The following SLC24A4 variants were observed in gnomAD, a reference collection of about 807,000 sequenced individuals.
SLC24A4 encodes solute carrier family 24 member 4, also known as sodium/potassium/calcium exchanger 4.
SLC24A4 carries 53 observed loss-of-function variants against 79.0 expected under a neutral mutation model. That is an observed-to-expected ratio of 0.67 (90% CI 0.54 to 0.84). SLC24A4 has a LOEUF of 0.84. SLC24A4 is among the 40% of genes least tolerant of loss of function. The probability of loss-of-function intolerance (pLI) is 0.00; values close to 1 mark genes in which losing one functional copy is unlikely to be tolerated. For missense variants in SLC24A4, 731 were observed against 822.0 expected (o/e 0.89, Z 1.35); for synonymous variants, 323 against 323.8 (o/e 1.00, Z 0.03).
chr14:92,431,938 C>T (rs1891897250), intron 2 of SLC24A4, among the ~76,000 whole-genome samples: 1 of 152,182 alleles, frequency 6.6e-6, no homozygotes, highest in African/African-American at 2.4e-5. Flanking sequence ...ACATCAGGTC[C>T]CACTGTGAGT....
At chr14:92,455,482 T>C (rs1366662673) in intron 11 of SLC24A4, among the ~76,000 whole-genome samples, 1 of 152,230 alleles carries the variant, frequency 6.6e-6, no homozygotes, top group African/African-American at 2.4e-5. Context: ...TGGCTATTGG[T>C]TGCCTGAAAG....
At chr14:92,388,233 C>T (rs1308786776) in intron 2 of SLC24A4, among the ~76,000 whole-genome samples, 1 of 152,144 alleles carries the variant, frequency 6.6e-6, no homozygotes, top group Non-Finnish European at 1.5e-5. Flanking sequence ...TCTTAAGGCC[C>T]GTTAAAGCCT....
intron 2 of SLC24A4, among the ~76,000 whole-genome samples, chr14:92,400,241 A>T (rs12589315): frequency 6.0e-4 from 91 of 152,042 alleles, no homozygotes; most frequent in Non-Finnish European, 1.2e-3. Flanking sequence ...GAGATCGAGA[A>T]CATCCAGGCC....
intron 2 of SLC24A4, among the ~76,000 whole-genome samples, chr14:92,412,100 G>A (rs1409261863): frequency 6.6e-6 from 1 of 152,162 alleles, no homozygotes; most frequent in Non-Finnish European, 1.5e-5. Context: ...CTACAGAGGG[G>A]CCTTGAGATG....
chr14:92,351,257 C>T (rs1359794202), intron 2 of SLC24A4, among the ~76,000 whole-genome samples: 1 of 151,296 alleles, frequency 6.6e-6, no homozygotes, highest in East Asian at 1.9e-4. Flanking sequence ...CACACACACA[C>T]AAAACACCCA....
At chr14:92,417,270 C>A (rs1035526712) in intron 2 of SLC24A4, among the ~76,000 whole-genome samples, 3 of 152,114 alleles carry the variant, frequency 2.0e-5, no homozygotes, top group African/African-American at 7.2e-5. Context: ...CTAGTCCTGA[C>A]CCTCTGTAGG....
At chr14:92,450,293 T>A (rs183386579) in intron 10 of SLC24A4, 12 of 152,374 alleles carry the variant, frequency 7.9e-5, no homozygotes, top group Admixed American at 3.9e-4. Context: ...TCTCCAGTCA[T>A]CATCCTGGAG....
chr14:92,470,369 C>T (rs957070822), intron 12 of SLC24A4, among the ~76,000 whole-genome samples: 7 of 152,194 alleles, frequency 4.6e-5, no homozygotes, highest in African/African-American at 1.7e-4. Context: ...ATGCATGCAT[C>T]CCTGCAAACC....
intron 2 of SLC24A4, chr14:92,408,410 A>T (rs1041541099): frequency 3.0e-6 from 3 of 985,322 alleles, no homozygotes; most frequent in African/African-American, 1.7e-5. Flanking sequence ...AACTGCAGCT[A>T]AAGCTCTCCT....
intron 2 of SLC24A4, among the ~76,000 whole-genome samples, chr14:92,373,193 C>CAT (rs374714391): frequency 1.5e-5 from 1 of 68,128 alleles, no homozygotes; most frequent in Non-Finnish European, 3.7e-5. Flanking sequence ...CACACACACA[C>CAT]GCACACACAC....
chr14:92,439,201 G>A (rs1892354179), intron 3 of SLC24A4, 134 bp from the exon 4 acceptor site: 3 of 684,064 alleles, frequency 4.4e-6, no homozygotes, highest in Non-Finnish European at 5.2e-6. Context: ...AATCTATGGT[G>A]CTGGAGTTTT....
intron 2 of SLC24A4, among the ~76,000 whole-genome samples, chr14:92,369,284 AG>A (rs2141683051): frequency 6.6e-6 from 1 of 152,344 alleles, no homozygotes; most frequent in East Asian, 1.9e-4. Flanking sequence ...GGTGAAATGT[AG>A]GGGGCAGTCA....
chr14:92,460,533 A>G (rs1893738966), intron 12 of SLC24A4, among the ~76,000 whole-genome samples: 1 of 152,094 alleles, frequency 6.6e-6, no homozygotes, highest in Non-Finnish European at 1.5e-5. Context: ...AGAGGGAATT[A>G]TCGTGTACCA....
chr14:92,343,601 T>TTCTTTCTTTCC (rs1886301348), intron 2 of SLC24A4, among the ~76,000 whole-genome samples: 1 of 139,728 alleles, frequency 7.2e-6, no homozygotes, highest in African/African-American at 2.8e-5. Context: ...TCTTTCTTTC[T>TTCTTTCTTTCC]TTCTTTCTTT....
rs377062821 is a variant in SLC24A4 at position 92,442,163 on chromosome 14, G to A, written c.468G>A (p.Ala156=). ...AAGSSTPELF[A]SVIGVFITHG... is the part of the protein sequence containing the mutation. ...GAAGCTCAACGCCAGAGCTGTTTGC[G>A]TCTGTTATTGGTAAGAAATCCCCTC... The change falls in exon 5 of 17, where the codon GCG becomes GCA. Residue 156 remains alanine (A), a synonymous_variant. Coordinates refer to ENST00000532405, the MANE Select transcript of SLC24A4 (RefSeq NM_153646.4). 6.6e-5 allele frequency: 107 copies of A among 1,613,464 alleles called. No homozygotes were observed. The highest frequency in any genetic ancestry group is 1.6e-4 in the African/African-American group (12 of 75,050).
chr14:92,439,516 A>G (rs541376465), intron 4 of SLC24A4, 107 bp downstream of exon 4: 2 of 1,029,808 alleles, frequency 1.9e-6, no homozygotes, highest in Non-Finnish European at 3.0e-6. Flanking sequence ...GCTGGTGGCA[A>G]AGACTGTCAC....
At chr14:92,412,087 C>T (rs1306323875) in intron 2 of SLC24A4, among the ~76,000 whole-genome samples, 1 of 152,214 alleles carries the variant, frequency 6.6e-6, no homozygotes, top group African/African-American at 2.4e-5. Flanking sequence ...AGCCAGTCTC[C>T]CTCTACAGAG....
chr14:92,469,369 T>C (rs12878441), intron 12 of SLC24A4, among the ~76,000 whole-genome samples: 102,228 of 151,638 alleles, frequency 0.67, 35,558 homozygotes, highest in Non-Finnish European at 0.76. Context: ...ATTAGCCAGG[T>C]GTGGTGGTGG....
At chr14:92,366,389 C>G (rs6575250) in intron 2 of SLC24A4, among the ~76,000 whole-genome samples, 101,144 of 152,118 alleles carry the variant, frequency 0.66, 36,635 homozygotes, top group East Asian at 0.94. Context: ...ATAAACAGCT[C>G]TGGTCCCCGG....
Sources: gnomAD v4.1 joint callset for allele counts (sites outside exome capture counted in the v4.1 genomes callset) on GRCh38, gnomAD v4.1.1 for gene constraint, MANE v1.5 for transcripts, NCBI Gene and HGNC (gene_info 2026-07-23, HGNC 2026-07-21) for gene names.